Variants in PPP1R16A observed in about 807,000 individuals in gnomAD.
The protein encoded by PPP1R16A is protein phosphatase 1 regulatory subunit 16A, also known as myosin phosphatase-targeting subunit 3.
In PPP1R16A, 39 loss-of-function variants were observed where a neutral mutation model predicts 46.6. That is an observed-to-expected ratio of 0.84 (90% CI 0.65 to 1.09). The LOEUF (loss-of-function observed/expected upper bound fraction) is 1.09. PPP1R16A is among the 50% of genes least tolerant of loss of function. The probability of loss-of-function intolerance (pLI) is 0.00; values close to 1 mark genes in which losing one functional copy is unlikely to be tolerated. For synonymous variants in PPP1R16A, 413 were observed against 321.5 expected (o/e 1.28, Z -3.04); for missense variants, 798 against 735.6 (o/e 1.08, Z -0.98).
In PPP1R16A at chr8:144,501,680, C is replaced by A. The variant is rs1391831502; in HGVS notation, c.1364C>A (p.Thr455Asn). Residue 455 changes from threonine to asparagine, a missense_variant, in exon 12 of 12, where the codon ACC (threonine) becomes AAC (asparagine). Coordinates refer to ENST00000435887, the MANE Select transcript of PPP1R16A (RefSeq NM_001329443.2). The part of the protein sequence containing the change: ...HTLVHDKAHH[T>N]LADLKRQRAA... ...CTGGTCCACGACAAGGCCCACCACA[C>A]CCTGGCTGACCTGAAGCGCCAGCGA... 3 of 1,608,094 alleles carry A rather than the reference C, an allele frequency of 1.9e-6. No homozygotes were observed. Among genetic ancestry groups the A allele is most frequent in the East Asian group, 4.5e-5 (2 of 44,406 alleles).
rs753197453 is a variant in PPP1R16A, at chr8:144,500,905, T to G, written c.971T>G (p.Leu324Arg). ...GAGCTGAAGCACAAGCACGACGCCC[T>G]CCTGCGCGCCCAGAGCCGCCAGCGC... ...LLELKHKHDALLRAQSRQRSL... is the reference protein window; with the variant it reads ...LLELKHKHDARLRAQSRQRSL... Residue 324 changes from leucine to arginine, a missense_variant, in exon 10 of 12, where the codon CTC becomes CGC. Physicochemically the swap from Leu to Arg is moderately radical, Grantham distance 102. Transcript: ENST00000435887. 6.5e-7 allele frequency: 1 copy of G among 1,537,912 alleles called. No homozygotes were observed. The highest frequency in any genetic ancestry group is 1.4e-5 in the African/African-American group (1 of 71,170).
chr8:144,488,072 TG>T (rs1468214254), intron 1 of PPP1R16A, among the ~76,000 whole-genome samples: 1 of 152,236 alleles, frequency 6.6e-6, no homozygotes, highest in Non-Finnish European at 1.5e-5. Context: ...GCTATTCTGT[TG>T]TTCAGTTCTA....
At chr8:144,494,151 A>C (rs934015142) in intron 2 of PPP1R16A, among the ~76,000 whole-genome samples, 2 of 152,140 alleles carry the variant, frequency 1.3e-5, no homozygotes, top group African/African-American at 4.8e-5. Context: ...TAAATAATAT[A>C]AATTGAGATG....
intron 1 of PPP1R16A, among the ~76,000 whole-genome samples, chr8:144,484,561 T>A (rs934531128): frequency 1.3e-5 from 2 of 152,262 alleles, no homozygotes; most frequent in East Asian, 3.8e-4. Context: ...GCTTCTTTCA[T>A]TTAGGCATCT....
Position 144,496,980 on chromosome 8 carries a change from C to T in PPP1R16A, c.-215C>T. ...GGAGCAGGTTTGGGGTGCCCTCCCA[C>T]ACTGCCCTCCCTGCCCCGGCCCATG... On this transcript the variant is annotated 5_prime_UTR_variant, in exon 3 of 12. Coordinates refer to ENST00000435887, the MANE Select transcript of PPP1R16A (RefSeq NM_001329443.2). 3.1e-6 allele frequency: 2 copies of T among 637,494 alleles called. No individual in the cohort carries two copies. Among genetic ancestry groups the T allele is most frequent in the Non-Finnish European group, 5.4e-6 (2 of 371,928 alleles). 39.5% of individuals were successfully genotyped at this position (637,494 alleles called of 1,614,324 possible). A position where few individuals can be genotyped will look rare whatever the true frequency, so the allele number is the denominator to read the frequency against.
intron 1 of PPP1R16A, among the ~76,000 whole-genome samples, chr8:144,488,472 G>C (rs569543510): frequency 8.5e-5 from 13 of 152,288 alleles, no homozygotes; most frequent in Admixed American, 4.6e-4. Flanking sequence ...AGGGCTTGTA[G>C]TAGCGAGCCA....
chr8:144,492,386 G>T (rs1248323918), intron 2 of PPP1R16A, among the ~76,000 whole-genome samples: 1 of 150,992 alleles, frequency 6.6e-6, no homozygotes, highest in Admixed American at 6.6e-5. Context: ...CCCAGGCTGG[G>T]GTGCAGTGGT....
intron 3 of PPP1R16A, chr8:144,498,451 C>A: frequency 2.5e-6 from 1 of 394,292 alleles, no homozygotes; most frequent in Non-Finnish European, 4.7e-6. Flanking sequence ...AGGCAGGGAG[C>A]TCTTCCTGGG....
chr8:144,485,359 C>A (rs1370653569), intron 1 of PPP1R16A, among the ~76,000 whole-genome samples: 1 of 151,298 alleles, frequency 6.6e-6, no homozygotes. Context: ...CGTGTCTCTA[C>A]TGAAAATACA....
In PPP1R16A at chr8:144,500,707, G is replaced by T; in HGVS notation, c.853G>T (p.Val285Leu). ...WGQVPLVELL[V>L]AHGADLNAKS... ...ACAGGTGCCCCTGGTGGAGCTGCTC[G>T]TGGCGCACGGGGCCGACCTGAACGC... The change falls in exon 9 of 12, where the codon GTG becomes TTG. Residue 285 changes from valine (V) to leucine (L), a missense_variant. Transcript: ENST00000435887. The T allele has an allele frequency of 6.2e-7, 1 of 1,611,546 alleles. No individual in the cohort carries two copies. The highest frequency in any genetic ancestry group is 8.5e-7 in the Non-Finnish European group (1 of 1,179,640).
chr8:144,492,539 G>C (rs1242227408), intron 2 of PPP1R16A, among the ~76,000 whole-genome samples: 1 of 152,048 alleles, frequency 6.6e-6, no homozygotes, highest in Non-Finnish European at 1.5e-5. Context: ...GTTTTACCTT[G>C]TTAGCAAGGA....
chr8:144,492,334 CT>C (rs5895821), intron 2 of PPP1R16A, among the ~76,000 whole-genome samples: 298 of 131,746 alleles, frequency 2.3e-3, no homozygotes, highest in East Asian at 0.014. Context: ...AAAAGGTGTA[CT>C]TTTTTTTTTT....
intron 1 of PPP1R16A, among the ~76,000 whole-genome samples, chr8:144,489,239 G>T (rs1586743270): frequency 1.9e-5 from 1 of 53,588 alleles, no homozygotes; most frequent in Non-Finnish European, 3.9e-5. Context: ...CTGGGAGGGG[G>T]GTTGGCCTGG....
rs1044331539 is a variant in PPP1R16A at position 144,500,316 on chromosome 8, C to G, written c.630C>G (p.Arg210=). The stretch of plus-strand genomic sequence containing the variant: ...CCGCCCGGGCCGTGCCAGAACTGCG[C>G]ATGCTGGACGACATCCGGAGCCGGC... ...IEAARAVPEL[R]MLDDIRSRLQ... is the part of the protein sequence containing the mutation. Residue 210 remains arginine (R), a synonymous_variant, in exon 7 of 12, where the codon CGC becomes CGG. Transcript: ENST00000435887. 1.3e-6 allele frequency: 2 copies of G among 1,541,134 alleles called. No homozygotes were observed. Among genetic ancestry groups the G allele is most frequent in the Admixed American group, 3.9e-5 (2 of 51,004 alleles).
At position 144,497,365 on chromosome 8, in the gene PPP1R16A, G is replaced by C; in HGVS notation, c.171G>C (p.Glu57Asp). 6 of 1,612,926 alleles carry C rather than the reference G, an allele frequency of 3.7e-6. No individual in the cohort carries two copies. Among genetic ancestry groups the C allele is most frequent in the Non-Finnish European group, 5.1e-6 (6 of 1,179,988 alleles). Residue 57 changes from glutamate (E) to aspartate (D), a missense_variant, in exon 3 of 12, where the codon GAG becomes GAC. Glu to Asp is a conservative substitution (Grantham distance 45). Transcript: ENST00000435887. ...KKGPGERPRK[E>D]AASQGLLKQV... ...GTCCTGGGGAGCGTCCCCGGAAGGA[G>C]GCAGCCAGCCAAGGGCTCCTGAAGC...
At position 144,501,251 on chromosome 8, in the gene PPP1R16A, A is replaced by G. The variant is rs774668188; in HGVS notation, c.1160A>G (p.Asp387Gly). Residue 387 changes from aspartate (D) to glycine (G), a missense_variant, in exon 11 of 12, where the codon GAT (aspartate) becomes GGT (glycine). Coordinates refer to ENST00000435887, the MANE Select transcript of PPP1R16A (RefSeq NM_001329443.2). The part of the protein sequence containing the change: ...PTSPEPPEDN[D>G]DRQTGAELRP... ...AGCCCGGAGCCGCCCGAGGACAACG[A>G]TGACCGCCAGACAGGCGCAGAGCTC... 11 of 1,604,002 alleles carry G rather than the reference A, an allele frequency of 6.9e-6. No individual in the cohort carries two copies. The highest frequency in any genetic ancestry group is 7.6e-6 in the Non-Finnish European group (9 of 1,178,668).
rs778829952 is a variant in PPP1R16A at position 144,500,255 on chromosome 8, G to A, written c.581-12G>A. 13 of 1,563,664 alleles carry A rather than the reference G, an allele frequency of 8.3e-6. No homozygotes were observed. The African/African-American group carries it at 1.6e-4, about 20-fold the overall frequency. On this transcript the variant is annotated splice_polypyrimidine_tract_variant and intron_variant, in intron 6 of 11. Transcript: ENST00000435887. Reference sequence around the variant, plus strand: ...TGCCGGTCGCGCTCCCTCTGAGCCTGCCGCCTCGCAGGCATCACCCAGGAC... The same window carrying A: ...TGCCGGTCGCGCTCCCTCTGAGCCTACCGCCTCGCAGGCATCACCCAGGAC...
At chr8:144,495,875 C>T (rs1163106500) in intron 2 of PPP1R16A, 1 of 152,494 alleles carries the variant, frequency 6.6e-6, no homozygotes, top group Non-Finnish European at 1.5e-5. Flanking sequence ...TGTCTGTCCC[C>T]ATAGGCCTCA....
At chr8:144,485,545 TAAAG>T (rs1465658698) in intron 1 of PPP1R16A, among the ~76,000 whole-genome samples, 2 of 148,450 alleles carry the variant, frequency 1.3e-5, no homozygotes, top group East Asian at 2.0e-4. Flanking sequence ...AAACAATAGA[TAAAG>T]AAAAATAAAT....
Sources: gnomAD v4.1 joint callset for allele counts (sites outside exome capture counted in the v4.1 genomes callset) on GRCh38, gnomAD v4.1.1 for gene constraint, MANE v1.5 for transcripts, NCBI Gene and HGNC (gene_info 2026-07-23, HGNC 2026-07-21) for gene names.